The following MRE11 variants were observed in gnomAD, a reference collection of about 807,000 sequenced individuals.
MRE11 encodes double-strand break repair protein MRE11.
A neutral mutation model predicts 91.7 loss-of-function variants in MRE11; 62 were observed. The ratio of observed to expected loss-of-function variants is 0.68; its 90% confidence interval spans 0.55 to 0.84. The LOEUF (loss-of-function observed/expected upper bound fraction) is 0.84, where lower values mean the gene tolerates loss of function less well. Ranked by LOEUF, MRE11 falls within the 40% of genes least tolerant of loss-of-function variation. MRE11 has a pLI of 0.00. For synonymous variants in MRE11, 273 were observed against 271.4 expected (o/e 1.01, Z -0.06); for missense variants, 796 against 852.9 (o/e 0.93, Z 0.83).
chr11:94,470,669 G>T, intron 8 of MRE11, 27 bp from the exon 9 acceptor site: 1 of 1,611,158 alleles, frequency 6.2e-7, no homozygotes, highest in Non-Finnish European at 8.5e-7. Context: ...TGAACACCGA[G>T]TCACAGTGTA....
At chr11:94,468,232 G>C (rs13447636) in intron 9 of MRE11, among the ~76,000 whole-genome samples, 6,143 of 152,206 alleles carry the variant, frequency 0.04, 300 homozygotes, top group African/African-American at 0.11. Context: ...TGATCCATGG[G>C]AGACTCACCA....
chr11:94,441,168 A>C lies in MRE11; in HGVS notation c.1868-3933T>G, dbSNP rs551742012. On this transcript the variant is annotated intron_variant, in intron 16 of 19. Transcript: ENST00000323929. ...CACTTTCTGCTGCAAAGGGGGAAGC[A>C]GTACCCTTAAGGTAGGAAGCCTGTA... is the stretch of plus-strand genomic sequence containing the variant. 6.9e-4 allele frequency among the ~76,000 whole-genome samples: 105 copies of C among 152,320 alleles called. 1 individual carries two copies. Among genetic ancestry groups the C allele is most frequent in the African/African-American group, 2.5e-3 (104 of 41,588 alleles).
intron 14 of MRE11, among the ~76,000 whole-genome samples, chr11:94,449,161 G>A (rs1698797227): frequency 6.6e-6 from 1 of 152,274 alleles, no homozygotes; most frequent in African/African-American, 2.4e-5. Flanking sequence ...GCTAAATGAG[G>A]AGATGTGAAC....
chr11:94,447,463 T>C (rs1424129035), intron 14 of MRE11, 25 bp from the exon 15 acceptor site: 4 of 1,599,626 alleles, frequency 2.5e-6, no homozygotes, highest in Non-Finnish European at 3.4e-6. Context: ...AAGGAGAAAG[T>C]ACACACAATG....
In MRE11 at chr11:94,479,734, G is replaced by T. The variant is rs773323970; in HGVS notation, c.342C>A (p.Gly114=). Residue 114 remains glycine (G), a synonymous_variant, in exon 5 of 20, where the codon GGC becomes GGA. Coordinates refer to ENST00000323929, the MANE Select transcript of MRE11 (RefSeq NM_005591.4). ...SKFPWVNYQD[G]NLNISIPVFS... ...ACACTGGAATTGAAATGTTGAGGTT[G>T]CCATCTTGATAGTTCACCCATGGAA... The T allele has an allele frequency of 1.2e-6, 2 of 1,612,534 alleles. No individual in the cohort carries two copies. The highest frequency in any genetic ancestry group is 1.7e-6 in the Non-Finnish European group (2 of 1,179,604).
Position 94,459,499 on chromosome 11 carries a change from A to G in MRE11, c.1409T>C (p.Ile470Thr), listed in dbSNP as rs746648446. 8 of 1,614,044 alleles carry G rather than the reference A, an allele frequency of 5.0e-6. No homozygotes were observed. The highest frequency in any genetic ancestry group is 1.1e-5 in the South Asian group (1 of 91,086). Residue 470 changes from isoleucine to threonine, a missense_variant, in exon 13 of 20, where the codon ATT (isoleucine) becomes ACT (threonine). Transcript: ENST00000323929. Reference sequence around the variant, plus strand: ...CAACTGGTATTTCACTAATTCCTCAATGGCATCTTTCTCCTCCTTGTCCAC... The same window carrying G: ...CAACTGGTATTTCACTAATTCCTCAGTGGCATCTTTCTCCTCCTTGTCCAC... The part of the protein sequence containing the change: ...EFVDKEEKDA[I>T]EELVKYQLEK...
the MRE11 span, among the ~76,000 whole-genome samples, chr11:94,510,806 G>A: frequency 0.074 from 11,257 of 152,214 alleles, 532 homozygotes; most frequent in South Asian, 0.17. Context: ...GGTGAGAATG[G>A]CGATGAATTC....
chr11:94,437,454 T>C (rs1945651334), intron 16 of MRE11, among the ~76,000 whole-genome samples: 1 of 152,204 alleles, frequency 6.6e-6, no homozygotes, highest in African/African-American at 2.4e-5. Context: ...TCCCAGCTTA[T>C]TGAGATACTG....
intron 11 of MRE11, among the ~76,000 whole-genome samples, chr11:94,463,366 A>G (rs1946472897): frequency 6.6e-6 from 1 of 152,190 alleles, no homozygotes; most frequent in East Asian, 1.9e-4. Flanking sequence ...TGTGGAAGAC[A>G]GTGTGGTGAT....
At chr11:94,456,006 C>T (rs1946240041) in intron 14 of MRE11, among the ~76,000 whole-genome samples, 2 of 152,150 alleles carry the variant, frequency 1.3e-5, no homozygotes, top group African/African-American at 2.4e-5. Flanking sequence ...GCAATCCCCT[C>T]CAACCTTAGC....
rs1946859046 is a variant in MRE11 at position 94,476,420 on chromosome 11, A to AT, written c.545-18dup. 2 of 1,502,454 alleles carry AT rather than the reference A, an allele frequency of 1.3e-6. No homozygotes were observed. Among genetic ancestry groups the AT allele is most frequent in the African/African-American group, 2.8e-5 (2 of 72,676 alleles). 93.1% of individuals were successfully genotyped at this position (1,502,454 alleles called of 1,614,324 possible). A position where few individuals can be genotyped will look rare whatever the true frequency, so the allele number is the denominator to read the frequency against. On this transcript the variant is annotated splice_polypyrimidine_tract_variant and intron_variant, in intron 6 of 19. Transcript: ENST00000323929. The stretch of plus-strand genomic sequence containing the variant: ...GAATGGATCCTGAAATGGACATTAC[A>AT]TTATTTTTAAATTGTTTTCTTACTT...
chr11:94,481,081 G>A (rs1206203121), intron 4 of MRE11, among the ~76,000 whole-genome samples: 1 of 152,140 alleles, frequency 6.6e-6, no homozygotes, highest in Admixed American at 6.5e-5. Context: ...GGCCGAGGTG[G>A]GCAGATCACC....
the MRE11 span, among the ~76,000 whole-genome samples, chr11:94,506,015 T>C: frequency 1.3e-5 from 2 of 152,220 alleles, no homozygotes; most frequent in Non-Finnish European, 2.9e-5. Flanking sequence ...CCTAGCCACC[T>C]AGGTTTGTGT....
chr11:94,511,932 G>A, the MRE11 span, among the ~76,000 whole-genome samples: 1 of 152,254 alleles, frequency 6.6e-6, no homozygotes, highest in Admixed American at 6.5e-5. Flanking sequence ...ATACAAAAGA[G>A]CTTGGAAACT....
chr11:94,452,587 T>C (rs543828372), intron 14 of MRE11, among the ~76,000 whole-genome samples: 1 of 152,322 alleles, frequency 6.6e-6, no homozygotes, highest in East Asian at 1.9e-4. Context: ...CTAAACTTTG[T>C]ATTTTCCCTT....
chr11:94,447,347 T>A lies in MRE11; in HGVS notation c.1655A>T (p.Glu552Val). The A allele has an allele frequency of 6.2e-7, 1 of 1,614,168 alleles. No individual in the cohort carries two copies. The highest frequency in any genetic ancestry group is 8.5e-7 in the Non-Finnish European group (1 of 1,180,018). The change falls in exon 15 of 20, where the codon GAA becomes GTA. Residue 552 changes from glutamate (E) to valine (V), a missense_variant. Coordinates refer to ENST00000323929, the MANE Select transcript of MRE11 (RefSeq NM_005591.4). Reference sequence around the variant, plus strand: ...ATCATCAGAGTCATTAGCCATCTGTTCTGCTAAATCTATACTCATAAGGTC... The same window carrying A: ...ATCATCAGAGTCATTAGCCATCTGTACTGCTAAATCTATACTCATAAGGTC... ...ADDLMSIDLA[E>V]QMANDSDDSI...
intron 17 of MRE11, 147 bp from the exon 18 acceptor site, chr11:94,436,046 C>T: frequency 1.3e-6 from 1 of 765,288 alleles, no homozygotes; most frequent in Non-Finnish European, 2.3e-6. Context: ...TTAAAACTAA[C>T]ACTCAGTCTG....
At chr11:94,503,894 G>A in the MRE11 span, among the ~76,000 whole-genome samples, 1 of 151,736 alleles carries the variant, frequency 6.6e-6, no homozygotes, top group African/African-American at 2.4e-5. Flanking sequence ...AGTATTGGTG[G>A]ATGGACATGT....
chr11:94,459,882 G>A (rs1209867224), intron 12 of MRE11, among the ~76,000 whole-genome samples: 2 of 152,130 alleles, frequency 1.3e-5, no homozygotes, highest in East Asian at 3.8e-4. Context: ...CCCTAAAGAT[G>A]TCCACGTCTT....
Sources: gnomAD v4.1 joint callset for allele counts (sites outside exome capture counted in the v4.1 genomes callset) on GRCh38, gnomAD v4.1.1 for gene constraint, MANE v1.5 for transcripts, NCBI Gene and HGNC (gene_info 2026-07-23, HGNC 2026-07-21) for gene names.